CSNK1A1: variants seen among roughly 807,000 people sequenced by gnomAD.
CSNK1A1 encodes the protein casein kinase I isoform alpha.
In CSNK1A1, 7 loss-of-function variants were observed where a neutral mutation model predicts 46.1. The observed-to-expected ratio is 0.15, with a 90% CI of 0.09 to 0.29. The LOEUF is 0.29. CSNK1A1 is among the 10% of genes least tolerant of loss of function. The probability of loss-of-function intolerance (pLI) is 1.00; values close to 1 mark genes in which losing one functional copy is unlikely to be tolerated. For synonymous variants in CSNK1A1, 137 were observed against 141.5 expected (o/e 0.97, Z 0.23); for missense variants, 96 against 417.1 (o/e 0.23, Z 6.71).
chr5:149,502,575 T>C (rs1580818982), intron 9 of CSNK1A1: 2 of 519,190 alleles, frequency 3.9e-6, no homozygotes, highest in Non-Finnish European at 4.9e-6. Flanking sequence ...GGTCTTACTA[T>C]GTGGCCCAGG....
rs1491485108 is a variant in CSNK1A1 at position 149,502,519 on chromosome 5, TTG to T, written c.1006+2926_1006+2927del. On this transcript the variant is annotated intron_variant, in intron 9 of 9. Transcript: ENST00000377843. The stretch of plus-strand genomic sequence containing the variant: ...CTACTGCGCCTGGCGCTTTTTTTTT[TTG>T]GGGGGGGGGGGGTTGGGGACGATGT... The T allele has an allele frequency of 0.025, 716 of 28,754 alleles. 9 individuals are homozygous for T. The African/African-American group carries it at 0.27, about 11-fold the overall frequency. 1.8% of individuals were successfully genotyped at this position (28,754 alleles called of 1,614,324 possible).
intron 2 of CSNK1A1, among the ~76,000 whole-genome samples, chr5:149,540,896 G>A (rs746033151): frequency 6.6e-5 from 10 of 151,594 alleles, no homozygotes; most frequent in Admixed American, 1.3e-4. Context: ...TGGCCAATAC[G>A]GTGAAACCCC....
At chr5:149,502,012 T>G in intron 9 of CSNK1A1, 1 of 967,742 alleles carries the variant, frequency 1.0e-6, no homozygotes, top group African/African-American at 1.8e-5. Context: ...TTTTGATGGA[T>G]ATTGGAATGG....
At chr5:149,535,362 A>C (rs1286927335) in intron 2 of CSNK1A1, among the ~76,000 whole-genome samples, 3 of 152,136 alleles carry the variant, frequency 2.0e-5, no homozygotes, top group African/African-American at 4.8e-5. Flanking sequence ...TGCTAACTTT[A>C]CTACACAAGA....
chr5:149,500,981 T>A, intron 9 of CSNK1A1: 1 of 985,440 alleles, frequency 1.0e-6, no homozygotes, highest in Non-Finnish European at 1.2e-6. Flanking sequence ...TTCATTCTGC[T>A]ACACATTTCT....
chr5:149,500,191 G>A (rs1580816231), intron 9 of CSNK1A1, among the ~76,000 whole-genome samples: 1 of 132,678 alleles, frequency 7.5e-6, no homozygotes. Flanking sequence ...AGGCTGGAGT[G>A]CAGTGGCGCG....
intron 9 of CSNK1A1, among the ~76,000 whole-genome samples, chr5:149,500,637 C>T (rs145055755): frequency 6.6e-6 from 1 of 151,424 alleles, no homozygotes. Context: ...CTATGTTGTC[C>T]GGATGGTTCT....
At position 149,518,538 on chromosome 5, in the gene CSNK1A1, A is replaced by T. The variant is rs1761464346; in HGVS notation, c.456+1752T>A. Among the ~76,000 whole-genome samples, 6 of 152,288 alleles carry T rather than the reference A, an allele frequency of 3.9e-5. No homozygotes were observed. In the South Asian group the frequency reaches 1.2e-3, roughly 32 times the overall value. On this transcript the variant is annotated intron_variant, in intron 4 of 9. Coordinates refer to ENST00000377843, the MANE Select transcript of CSNK1A1 (RefSeq NM_001892.6). ...AAACTACAATACAGAAAACACTAAA[A>T]ATCAACTACATAAACAAAACACTAA...
At chr5:149,498,703 T>C (rs1760732150) in intron 9 of CSNK1A1, 1 of 985,366 alleles carries the variant, frequency 1.0e-6, no homozygotes. Context: ...CTACTAAAAT[T>C]GCTGGGTTTT....
In CSNK1A1 at chr5:149,500,637, C is replaced by G. The variant is rs145055755; in HGVS notation, c.1007-3777G>C. On this transcript the variant is annotated intron_variant, in intron 9 of 9. Transcript: ENST00000377843. ...AGCGATGAGGTCTCCCTATGTTGTC[C>G]GGATGGTTCTCAAAATCCTGAGATC... 2.9e-3 allele frequency among the ~76,000 whole-genome samples: 446 copies of G among 151,536 alleles called. 3 individuals are homozygous for G. Among genetic ancestry groups the G allele is most frequent in the African/African-American group, 0.011 (438 of 41,326 alleles).
intron 9 of CSNK1A1, chr5:149,502,311 ACT>A: frequency 1.0e-6 from 1 of 966,466 alleles, no homozygotes; most frequent in Non-Finnish European, 1.2e-6. Context: ...TGAAAATTTA[ACT>A]CTGTGAAGAG....
At position 149,517,664 on chromosome 5, in the gene CSNK1A1, C is replaced by A. The variant is rs1761442499; in HGVS notation, c.456+2626G>T. The A allele has an allele frequency of 1.6e-6, 1 of 613,328 alleles. No individual in the cohort carries two copies. The highest frequency in any genetic ancestry group is 1.9e-5 in the African/African-American group (1 of 53,650). The allele number at this position is 613,328 out of a possible 1,614,324, so 38.0% of individuals were successfully genotyped here. A position where few individuals can be genotyped will look rare whatever the true frequency, so the allele number is the denominator to read the frequency against. On this transcript the variant is annotated intron_variant, in intron 4 of 9. Transcript: ENST00000377843. This position sits in a 1 kb window ranked among gnomAD's most constrained non-coding sequence, Gnocchi z 4.4. ...GCCAAGTATGTCTGAATAATGCCAA[C>A]GTAAGAGGTGCTTGAGCAAGATCTA... is the stretch of plus-strand genomic sequence containing the variant.
intron 9 of CSNK1A1, chr5:149,501,665 T>A: frequency 1.0e-6 from 1 of 985,274 alleles, no homozygotes; most frequent in Non-Finnish European, 1.2e-6. Context: ...ATGATGAGAG[T>A]ACAGAATAGT....
chr5:149,510,029 A>G, intron 6 of CSNK1A1, 76 bp from the exon 7 acceptor site: 1 of 898,266 alleles, frequency 1.1e-6, no homozygotes, highest in Non-Finnish European at 1.7e-6. Flanking sequence ...CGCACTAGAC[A>G]TATAAACATA....
rs536311311 is a variant in CSNK1A1 at position 149,524,131 on chromosome 5, A to G, written c.357+914T>C. On this transcript the variant is annotated intron_variant, in intron 3 of 9. Coordinates refer to ENST00000377843, the MANE Select transcript of CSNK1A1 (RefSeq NM_001892.6). Reference sequence around the variant, plus strand: ...AATAAAGGTAAGTGATAAAACAAATAACCTGTGTTCTCCTTTCCCTTTTCC... The same window carrying G: ...AATAAAGGTAAGTGATAAAACAAATGACCTGTGTTCTCCTTTCCCTTTTCC... 2.6e-5 allele frequency among the ~76,000 whole-genome samples: 4 copies of G among 152,304 alleles called. No individual in the cohort carries two copies. In the East Asian group the frequency reaches 7.7e-4, roughly 29 times the overall value.
intron 2 of CSNK1A1, among the ~76,000 whole-genome samples, chr5:149,542,664 A>G (rs1385132017): frequency 7.0e-4 from 5 of 7,132 alleles, no homozygotes; most frequent in Admixed American, 3.1e-3. Context: ...ATATATATAT[A>G]TATATATGTA....
intron 4 of CSNK1A1, 72 bp downstream of exon 4, chr5:149,520,218 G>A (rs1017531379): frequency 3.1e-6 from 3 of 967,226 alleles, no homozygotes; most frequent in Non-Finnish European, 4.7e-6. Flanking sequence ...TTAAAAGATT[G>A]AAAAGTTTAC....
chr5:149,500,968 G>A, intron 9 of CSNK1A1: 3 of 985,200 alleles, frequency 3.0e-6, no homozygotes, highest in Non-Finnish European at 3.6e-6. Context: ...CCTTATAACA[G>A]AATTCATTCT....
chr5:149,544,737 T>TTATATATATA (rs375444306), intron 2 of CSNK1A1, among the ~76,000 whole-genome samples: 1,964 of 80,696 alleles, frequency 0.024, 87 homozygotes, highest in East Asian at 0.055. Context: ...GTAAAGAGCT[T>TTATATATATA]TATATATATA....
Sources: gnomAD v4.1 joint callset for allele counts (sites outside exome capture counted in the v4.1 genomes callset) on GRCh38, gnomAD v4.1.1 for gene constraint, Gnocchi (gnomAD v3.1) non-coding constraint, MANE v1.5 for transcripts, NCBI Gene and HGNC (gene_info 2026-07-23, HGNC 2026-07-21) for gene names.